The following DLGAP2 variants were observed in gnomAD, a reference collection of about 807,000 sequenced individuals.
The protein encoded by DLGAP2 is DLG associated protein 2.
Under a neutral mutation model 100.3 loss-of-function variants are expected in DLGAP2, and 26 were observed. The ratio of observed to expected loss-of-function variants is 0.26; its 90% CI spans 0.19 to 0.36. The LOEUF is 0.36. Ranked by LOEUF, DLGAP2 falls within the 10% of genes least tolerant of loss-of-function variation. DLGAP2 has a pLI of 1.00. For missense variants in DLGAP2, 1,858 were observed against 1,453.2 expected (o/e 1.28, Z -4.53); for synonymous variants, 886 against 630.1 (o/e 1.41, Z -6.08).
intron 6 of DLGAP2, among the ~76,000 whole-genome samples, chr8:1,570,020 G>A (rs934691697): frequency 5.3e-5 from 8 of 152,226 alleles, no homozygotes; most frequent in South Asian, 2.1e-4. Flanking sequence ...GGAAGAAAAC[G>A]GCCAGGACTG....
At chr8:1,692,955 A>T (rs1799290711) in intron 13 of DLGAP2, among the ~76,000 whole-genome samples, 1 of 148,516 alleles carries the variant, frequency 6.7e-6, no homozygotes, top group South Asian at 2.1e-4. Context: ...GGCAGAGCAG[A>T]AAAGCTCATA....
chr8:911,824 T>C (rs955613488), intron 2 of DLGAP2, among the ~76,000 whole-genome samples: 1 of 152,188 alleles, frequency 6.6e-6, no homozygotes, highest in African/African-American at 2.4e-5. Flanking sequence ...GGAGAACACA[T>C]CAGAAGCCAC....
In DLGAP2 at chr8:804,118, G is replaced by T. The variant is rs546470749; in HGVS notation, c.18+66293G>T. Among the ~76,000 whole-genome samples the T allele has an allele frequency of 2.6e-5, 4 of 152,200 alleles. No homozygotes were observed. In the South Asian group the frequency reaches 6.2e-4, roughly 24 times the overall value. The stretch of plus-strand genomic sequence containing the variant: ...TAAGCACTAGGATATCCCATGCATG[G>T]CCCTGTAGGATTCTCATTGTGGAGA... On this transcript the variant is annotated intron_variant, in intron 1 of 14. Transcript: ENST00000637795.
chr8:1,170,406 T>A (rs891418856), intron 2 of DLGAP2, among the ~76,000 whole-genome samples: 13 of 152,166 alleles, frequency 8.5e-5, no homozygotes, highest in African/African-American at 2.9e-4. Flanking sequence ...ATAAAATGAG[T>A]TAGGGAGGAT....
intron 6 of DLGAP2, among the ~76,000 whole-genome samples, chr8:1,579,800 C>T (rs755153658): frequency 1.7e-4 from 26 of 152,282 alleles, no homozygotes; most frequent in Admixed American, 2.6e-4. Flanking sequence ...TTGCGTGACA[C>T]GGTACATTGC....
intron 3 of DLGAP2, chr8:1,296,171 G>T (rs1800167827): frequency 6.6e-6 from 1 of 152,076 alleles, no homozygotes. Context: ...CCGGGTTTCT[G>T]ACTCCCTTTC....
intron 2 of DLGAP2, among the ~76,000 whole-genome samples, chr8:954,760 G>A (rs544119347): frequency 6.6e-6 from 1 of 152,178 alleles, no homozygotes; most frequent in South Asian, 2.1e-4. Flanking sequence ...GTTAGCCTGG[G>A]TGGGGAAGAA....
At chr8:1,473,660 C>G (rs1798859223) in intron 3 of DLGAP2, among the ~76,000 whole-genome samples, 1 of 152,112 alleles carries the variant, frequency 6.6e-6, no homozygotes. Flanking sequence ...TGTCCCCACC[C>G]AAATCTCATT....
At chr8:759,084 G>A (rs113187363) in intron 1 of DLGAP2, among the ~76,000 whole-genome samples, 87 of 33,758 alleles carry the variant, frequency 2.6e-3, no homozygotes, top group African/African-American at 8.9e-3. Flanking sequence ...ACCCCCCACA[G>A]CCTTCCTGTT....
At chr8:854,058 G>C (rs1175182073) in intron 1 of DLGAP2, among the ~76,000 whole-genome samples, 1 of 152,206 alleles carries the variant, frequency 6.6e-6, no homozygotes, top group African/African-American at 2.4e-5. Context: ...TCGGCAGAGA[G>C]TGGAATCCGC....
intron 2 of DLGAP2, among the ~76,000 whole-genome samples, chr8:1,127,767 C>T (rs567870481): frequency 1.3e-5 from 2 of 152,290 alleles, no homozygotes; most frequent in South Asian, 4.1e-4. Flanking sequence ...CGGTTAACTA[C>T]GCCCGTTCTG....
At chr8:1,661,497 G>A (rs1406786447) in intron 8 of DLGAP2, among the ~76,000 whole-genome samples, 1 of 152,222 alleles carries the variant, frequency 6.6e-6, no homozygotes, top group East Asian at 1.9e-4. Context: ...GGACATGGGA[G>A]ATCCATCTCA....
chr8:962,739 G>C (rs1292049989), intron 2 of DLGAP2, among the ~76,000 whole-genome samples: 1 of 152,204 alleles, frequency 6.6e-6, no homozygotes, highest in South Asian at 2.1e-4. Context: ...GACTCCACAG[G>C]GGTGGCCGTA....
Position 1,112,653 on chromosome 8 carries a change from C to T in DLGAP2, c.74-146198C>T, listed in dbSNP as rs1345565404. 3.3e-5 allele frequency among the ~76,000 whole-genome samples: 5 copies of T among 152,116 alleles called. No individual in the cohort carries two copies. In the East Asian group the frequency reaches 7.7e-4, roughly 23 times the overall value. ...ATGCGTAGTTTGCAAATATTTTCTCCCATTCTAGTAGTTTGTCTGTTCGCT... is the reference window on the plus strand; with the variant it reads ...ATGCGTAGTTTGCAAATATTTTCTCTCATTCTAGTAGTTTGTCTGTTCGCT... On this transcript the variant is annotated intron_variant, in intron 2 of 14. Coordinates refer to ENST00000637795, the MANE Select transcript of DLGAP2 (RefSeq NM_001346810.2).
At chr8:1,252,014 G>T (rs1209948857) in intron 2 of DLGAP2, among the ~76,000 whole-genome samples, 2 of 151,938 alleles carry the variant, frequency 1.3e-5, no homozygotes, top group African/African-American at 4.8e-5. Flanking sequence ...GGTGTGTTGT[G>T]TTGTCCTGAG....
At chr8:1,483,893 T>C (rs1459923863) in intron 3 of DLGAP2, among the ~76,000 whole-genome samples, 1 of 152,210 alleles carries the variant, frequency 6.6e-6, no homozygotes, top group Non-Finnish European at 1.5e-5. Flanking sequence ...GTTTCAAACA[T>C]AGCAACACAA....
At chr8:1,660,944 C>T (rs762468519) in intron 8 of DLGAP2, among the ~76,000 whole-genome samples, 14 of 152,124 alleles carry the variant, frequency 9.2e-5, no homozygotes, top group African/African-American at 2.2e-4. Flanking sequence ...TAGCTAATAC[C>T]GCAACTTTCA....
intron 2 of DLGAP2, among the ~76,000 whole-genome samples, chr8:1,203,782 C>T (rs1797933281): frequency 6.6e-6 from 1 of 152,132 alleles, no homozygotes; most frequent in Non-Finnish European, 1.5e-5. Flanking sequence ...CTAATGCAGC[C>T]AATGTCACCT....
At chr8:1,584,113 C>G (rs1025133649) in intron 6 of DLGAP2, among the ~76,000 whole-genome samples, 2 of 152,128 alleles carry the variant, frequency 1.3e-5, no homozygotes, top group Non-Finnish European at 2.9e-5. Context: ...TTTATCATTG[C>G]CATTGCGCCT....
Sources: gnomAD v4.1 joint callset for allele counts (sites outside exome capture counted in the v4.1 genomes callset) on GRCh38, gnomAD v4.1.1 for gene constraint, MANE v1.5 for transcripts, NCBI Gene and HGNC (gene_info 2026-07-23, HGNC 2026-07-21) for gene names.